Variants in TMEM255B observed in about 807,000 individuals in gnomAD.
TMEM255B encodes the protein family with sequence similarity 70, member B.
A neutral mutation model predicts 34.5 loss-of-function variants in TMEM255B; 35 were observed. The observed-to-expected ratio is 1.01, with a 90% CI of 0.77 to 1.34. The LOEUF (loss-of-function observed/expected upper bound fraction) is 1.34. TMEM255B is among the 40% of genes most tolerant of loss of function. TMEM255B has a pLI of 0.00. For missense variants in TMEM255B, 432 were observed against 433.2 expected (o/e 1.00, Z 0.02); for synonymous variants, 206 against 201.2 (o/e 1.02, Z -0.20).
intron 2 of TMEM255B, 196 bp downstream of exon 2, chr13:113,766,453 A>T: frequency 2.5e-6 from 2 of 793,410 alleles, no homozygotes; most frequent in Non-Finnish European, 2.1e-6. Flanking sequence ...TGGCAGGTCC[A>T]AGGCAGAGGG....
intron 8 of TMEM255B, among the ~76,000 whole-genome samples, chr13:113,805,591 T>C (rs2051156182): frequency 6.6e-6 from 1 of 152,214 alleles, no homozygotes; most frequent in African/African-American, 2.4e-5. Flanking sequence ...CTCTGTGCTG[T>C]GGCCATGGGT....
intron 8 of TMEM255B, among the ~76,000 whole-genome samples, chr13:113,807,040 A>G (rs372030567): frequency 5.9e-5 from 9 of 152,304 alleles, no homozygotes; most frequent in Admixed American, 2.0e-4. Flanking sequence ...TGGTTCCATC[A>G]GCCCCTTCCT....
intron 3 of TMEM255B, among the ~76,000 whole-genome samples, chr13:113,793,150 G>A (rs927485380): frequency 6.6e-6 from 1 of 152,198 alleles, no homozygotes; most frequent in Non-Finnish European, 1.5e-5. Flanking sequence ...TAAGGGCTCC[G>A]GTCCAAGGCC....
intron 4 of TMEM255B, among the ~76,000 whole-genome samples, chr13:113,796,110 CAG>C (rs1356170446): frequency 4.8e-5 from 7 of 145,570 alleles, no homozygotes; most frequent in Non-Finnish European, 9.0e-5. Context: ...ACACAACACA[CAG>C]AGCACACAGC....
chr13:113,808,805 A>G (rs1190541541), intron 8 of TMEM255B, among the ~76,000 whole-genome samples: 5 of 37,926 alleles, frequency 1.3e-4, no homozygotes, highest in Non-Finnish European at 1.9e-4. Context: ...GGGGGGGGTT[A>G]CTCCATGTTT....
At chr13:113,774,984 C>G (rs978813539) in intron 3 of TMEM255B, among the ~76,000 whole-genome samples, 2 of 148,928 alleles carry the variant, frequency 1.3e-5, no homozygotes, top group African/African-American at 5.0e-5. Flanking sequence ...GCACATCACA[C>G]ACACCACACA....
chr13:113,796,620 A>G (rs1224069619), intron 4 of TMEM255B, among the ~76,000 whole-genome samples: 1 of 152,140 alleles, frequency 6.6e-6, no homozygotes, highest in Non-Finnish European at 1.5e-5. Context: ...AGGCCAAGGA[A>G]TCGTTTCTGT....
chr13:113,777,746 G>C (rs934585214), intron 3 of TMEM255B, among the ~76,000 whole-genome samples: 15 of 152,210 alleles, frequency 9.9e-5, no homozygotes, highest in Non-Finnish European at 1.5e-4. Flanking sequence ...TAGGTCATGG[G>C]GGGAGCGAGG....
At chr13:113,803,832 C>G (rs1345533622) in intron 7 of TMEM255B, among the ~76,000 whole-genome samples, 2 of 152,258 alleles carry the variant, frequency 1.3e-5, no homozygotes, top group African/African-American at 4.8e-5. Context: ...GGCTCCCTCC[C>G]AGCCCCAGGG....
Position 113,799,361 on chromosome 13 carries a change from G to T in TMEM255B, c.365G>T (p.Gly122Val). 1 of 1,614,140 alleles carries T rather than the reference G, an allele frequency of 6.2e-7. No homozygotes were observed. Among genetic ancestry groups the T allele is most frequent in the Non-Finnish European group, 8.5e-7 (1 of 1,180,024 alleles). Reference sequence around the variant, plus strand: ...TAGGAACCGAGGCCCCTCACCACGGGAAGATGCCAGTTTTACTCCAGTGGG... The same window carrying T: ...TAGGAACCGAGGCCCCTCACCACGGTAAGATGCCAGTTTTACTCCAGTGGG... The part of the protein sequence containing the change: ...QHIEPRPLTT[G>V]RCQFYSSGVG... The change falls in exon 5 of 9, where the codon GGA (glycine) becomes GTA (valine). Residue 122 changes from glycine to valine, a missense_variant. By Grantham distance (109) the Gly-to-Val change is moderately radical. Coordinates refer to ENST00000375353, the MANE Select transcript of TMEM255B (RefSeq NM_182614.4).
At chr13:113,795,266 C>G (rs372747284) in intron 4 of TMEM255B, 29 bp downstream of exon 4, 13 of 1,597,776 alleles carry the variant, frequency 8.1e-6, no homozygotes, top group Non-Finnish European at 1.0e-5. Flanking sequence ...TGTGCACAGT[C>G]GCTTTCCGGG....
At chr13:113,799,873 C>A (rs968138533) in intron 5 of TMEM255B, 3 of 1,006,014 alleles carry the variant, frequency 3.0e-6, no homozygotes, top group Non-Finnish European at 4.2e-6. Context: ...TCGCCAGGAC[C>A]GTCGGAGGGC....
At chr13:113,759,847 C>T (rs1329111473) in intron 1 of TMEM255B, among the ~76,000 whole-genome samples, 1 of 152,158 alleles carries the variant, frequency 6.6e-6, no homozygotes, top group Non-Finnish European at 1.5e-5. Context: ...TGTTTCTCCC[C>T]GGTGTGTTCA....
chr13:113,767,349 A>G (rs1250017363), intron 2 of TMEM255B, among the ~76,000 whole-genome samples: 1 of 152,272 alleles, frequency 6.6e-6, no homozygotes, highest in African/African-American at 2.4e-5. Context: ...TAAAATTGCA[A>G]GAGGCCAATG....
In TMEM255B at chr13:113,806,803, A is replaced by G. The variant is rs2051180247; in HGVS notation, c.813+1775A>G. ...CTCCCGTGGGAAGTTTGCCAAGCCC[A>G]GAACTGGAGGCCCGCAGGGGTAGAA... On this transcript the variant is annotated intron_variant, in intron 8 of 8. Transcript: ENST00000375353. The surrounding 1 kb of genome is among the most constrained non-coding windows in gnomAD (Gnocchi z 4.2). Among the ~76,000 whole-genome samples, 1 of 150,598 alleles carries G rather than the reference A, an allele frequency of 6.6e-6. No individual in the cohort carries two copies. Among genetic ancestry groups the G allele is most frequent in the Admixed American group, 6.6e-5 (1 of 15,070 alleles).
chr13:113,803,869 C>T (rs1293639237), intron 7 of TMEM255B, among the ~76,000 whole-genome samples: 3 of 16,386 alleles, frequency 1.8e-4, no homozygotes, highest in Admixed American at 1.2e-3. Context: ...TGTCTGAGGA[C>T]ACCTCAGGCC....
intron 2 of TMEM255B, among the ~76,000 whole-genome samples, chr13:113,766,782 T>C (rs72672434): frequency 0.037 from 5,652 of 152,242 alleles, 157 homozygotes; most frequent in Non-Finnish European, 0.056. Context: ...CGTGATCGCG[T>C]GGGAACGGCC....
chr13:113,787,445 C>T (rs1437692858), intron 3 of TMEM255B, among the ~76,000 whole-genome samples: 3 of 152,190 alleles, frequency 2.0e-5, no homozygotes, highest in Non-Finnish European at 2.9e-5. Context: ...CTTCTCTTCT[C>T]CGTTTGCTCA....
rs1491222279 is a variant in TMEM255B at position 113,808,793 on chromosome 13, G to GGA, written c.814-2942_814-2941insAG. 1.2e-4 allele frequency among the ~76,000 whole-genome samples: 2 copies of GGA among 16,078 alleles called. 1 individual carries two copies. Among genetic ancestry groups the GGA allele is most frequent in the Non-Finnish European group, 2.3e-4 (2 of 8,712 alleles). 10.5% of individuals were successfully genotyped at this position (16,078 alleles called of 152,430 possible). ...CTGGCGGTGTAACTCTGTGGTTCCT[G>GGA]GGGGGGGGGTTACTCCATGTTTCCT... On this transcript the variant is annotated intron_variant, in intron 8 of 8. Coordinates refer to ENST00000375353, the MANE Select transcript of TMEM255B (RefSeq NM_182614.4).
Sources: allele counts gnomAD v4.1 joint callset (sites outside exome capture counted in the v4.1 genomes callset), GRCh38; gene constraint gnomAD v4.1.1; non-coding constraint Gnocchi (gnomAD v3.1); transcripts MANE v1.5; gene names NCBI Gene and HGNC (gene_info 2026-07-23, HGNC 2026-07-21).